The following PIP5K1C variants were observed in gnomAD, a reference collection of about 807,000 sequenced individuals.
The protein encoded by PIP5K1C is phosphatidylinositol-4-phosphate 5-kinase type 1 gamma.
PIP5K1C carries 45 observed loss-of-function variants against 80.1 expected under a neutral mutation model. The ratio of observed to expected loss-of-function variants is 0.56; its 90% CI spans 0.44 to 0.72. The LOEUF is 0.72. Ranked by LOEUF, PIP5K1C falls within the 30% of genes least tolerant of loss-of-function variation. The pLI is 0.00. For missense variants in PIP5K1C, 753 were observed against 954.6 expected, an observed-to-expected ratio of 0.79 and a Z score of 2.78; for synonymous variants, 498 against 420.1, an observed-to-expected ratio of 1.19 and a Z score of -2.27.
At chr19:3,640,270 G>A (rs1004330536) in intron 15 of PIP5K1C, among the ~76,000 whole-genome samples, 9 of 152,174 alleles carry the variant, frequency 5.9e-5, no homozygotes, top group Admixed American at 5.9e-4. Flanking sequence ...TCCTAGCACT[G>A]TGGGAGGCCG....
At position 3,661,921 on chromosome 19, in the gene PIP5K1C, G is replaced by A. The variant is rs371537214; in HGVS notation, c.300C>T (p.Arg100=). The A allele has an allele frequency of 3.9e-5, 63 of 1,612,778 alleles. No individual in the cohort carries two copies. The South Asian group carries it at 5.1e-4, about 13-fold the overall frequency. ...CGTAGAAGTCCTGCATGAGCACGTCGCGTTCGGGCTTGGAGCTCAGGTGGC... is the reference window on the plus strand; with the variant it reads ...CGTAGAAGTCCTGCATGAGCACGTCACGTTCGGGCTTGGAGCTCAGGTGGC... ...TVGHLSSKPE[R]DVLMQDFYVV... Residue 100 remains arginine, a synonymous_variant, in exon 4 of 18, where the codon CGC becomes CGT. Coordinates refer to ENST00000335312, the MANE Select transcript of PIP5K1C (RefSeq NM_012398.3).
chr19:3,653,296 G>A lies in PIP5K1C; in HGVS notation c.915C>T (p.Asp305=), dbSNP rs978006998. 1 of 1,606,750 alleles carries A rather than the reference G, an allele frequency of 6.2e-7. No homozygotes were observed. Among genetic ancestry groups the A allele is most frequent in the Non-Finnish European group, 8.5e-7 (1 of 1,179,810 alleles). ...GCCGGGGCCGAGCCCTCACCAGGCA[G>A]TCCCGCTGCAGCGTCTTGACCAGGG... is the stretch of plus-strand genomic sequence containing the variant. ...FSALVKTLQR[D]CLVLESFKIM... The change falls in exon 7 of 18, where the codon GAC becomes GAT. Residue 305 remains aspartate (D), a synonymous_variant. Coordinates refer to ENST00000335312, the MANE Select transcript of PIP5K1C (RefSeq NM_012398.3).
chr19:3,658,922 C>T (rs2034735489), intron 5 of PIP5K1C, among the ~76,000 whole-genome samples: 1 of 152,178 alleles, frequency 6.6e-6, no homozygotes, highest in Non-Finnish European at 1.5e-5. Flanking sequence ...CAGCCTCCTT[C>T]GTCGGTGCTG....
At chr19:3,664,707 T>C (rs2034950873) in intron 3 of PIP5K1C, 115 bp downstream of exon 3, 1 of 909,190 alleles carries the variant, frequency 1.1e-6, no homozygotes. Context: ...CACCTGTCCC[T>C]GGGCAGACCC....
chr19:3,638,858 C>A, intron 16 of PIP5K1C, 26 bp downstream of exon 16: 1 of 1,612,438 alleles, frequency 6.2e-7, no homozygotes, highest in Non-Finnish European at 8.5e-7. Flanking sequence ...GACGAGCCGG[C>A]GGCAGGAGGA....
At chr19:3,656,676 C>G in intron 5 of PIP5K1C, 119 bp from the exon 6 acceptor site, 1 of 1,170,872 alleles carries the variant, frequency 8.5e-7, no homozygotes, top group Non-Finnish European at 1.2e-6. Flanking sequence ...TTTACAGATG[C>G]GGAAAGAGAG....
Position 3,665,949 on chromosome 19 carries a change from C to T in PIP5K1C, c.127-1035G>A, listed in dbSNP as rs574636784. On this transcript the variant is annotated intron_variant, in intron 2 of 17. Coordinates refer to ENST00000335312, the MANE Select transcript of PIP5K1C (RefSeq NM_012398.3). The stretch of plus-strand genomic sequence containing the variant: ...ATCAGCCCCAGGGACACGCCTGCAG[C>T]CCTGACCCCTGCCCCTGCCCTCCCT... 3.9e-5 allele frequency among the ~76,000 whole-genome samples: 6 copies of T among 152,266 alleles called. No homozygotes were observed. In the East Asian group the frequency reaches 1.2e-3, roughly 29 times the overall value.
At chr19:3,691,526 C>T (rs2035949367) in intron 1 of PIP5K1C, among the ~76,000 whole-genome samples, 1 of 151,950 alleles carries the variant, frequency 6.6e-6, no homozygotes, top group African/African-American at 2.4e-5. Context: ...CAGGGACCAC[C>T]CCAACAGCCA....
chr19:3,699,491 G>A (rs2036230140), intron 1 of PIP5K1C, among the ~76,000 whole-genome samples: 1 of 152,176 alleles, frequency 6.6e-6, no homozygotes, highest in Admixed American at 6.5e-5. Context: ...ATGCCCGTGT[G>A]GGTGTCTACA....
chr19:3,664,681 G>A, intron 3 of PIP5K1C, 141 bp downstream of exon 3: 2 of 779,144 alleles, frequency 2.6e-6, no homozygotes, highest in Non-Finnish European at 4.5e-6. Flanking sequence ...TCCAGCCTCT[G>A]CCTCCACACA....
intron 1 of PIP5K1C, among the ~76,000 whole-genome samples, chr19:3,683,932 C>G (rs1240001379): frequency 6.8e-6 from 1 of 146,400 alleles, no homozygotes; most frequent in Non-Finnish European, 1.5e-5. Context: ...CCCACACCCC[C>G]CCCACGCTGG....
intron 1 of PIP5K1C, among the ~76,000 whole-genome samples, chr19:3,675,521 C>T (rs905592752): frequency 1.3e-5 from 2 of 152,168 alleles, no homozygotes; most frequent in Non-Finnish European, 2.9e-5. Flanking sequence ...TTTTGTGAAA[C>T]GCAGTAAACA....
chr19:3,662,471 G>A (rs760173653), intron 3 of PIP5K1C, among the ~76,000 whole-genome samples: 1 of 152,232 alleles, frequency 6.6e-6, no homozygotes, highest in African/African-American at 2.4e-5. Flanking sequence ...CAACCCACAT[G>A]GCCGCTATGT....
chr19:3,636,728 G>A (rs758197883), intron 16 of PIP5K1C: 422 of 986,594 alleles, frequency 4.3e-4, no homozygotes, highest in Non-Finnish European at 4.9e-4. Flanking sequence ...AGAGGTGCTC[G>A]GAGAGGTTTG....
chr19:3,656,134 G>A (rs2034622028), intron 6 of PIP5K1C, among the ~76,000 whole-genome samples: 1 of 152,220 alleles, frequency 6.6e-6, no homozygotes, highest in Non-Finnish European at 1.5e-5. Flanking sequence ...GGTGGGGATG[G>A]GGAGCCAGGC....
intron 1 of PIP5K1C, among the ~76,000 whole-genome samples, chr19:3,684,762 G>T (rs1034349886): frequency 6.6e-6 from 1 of 152,224 alleles, no homozygotes; most frequent in African/African-American, 2.4e-5. Flanking sequence ...CACCCGGCAC[G>T]TAGGGCCCAG....
intron 1 of PIP5K1C, among the ~76,000 whole-genome samples, chr19:3,684,690 T>G (rs1230209067): frequency 6.6e-6 from 1 of 152,216 alleles, no homozygotes; most frequent in Non-Finnish European, 1.5e-5. Flanking sequence ...CAGTGGTTTG[T>G]TGCATAATCC....
chr19:3,656,684 G>A lies in PIP5K1C; in HGVS notation c.469-127C>T, dbSNP rs561014633. Reference sequence around the variant, plus strand: ...GCTGCATTTTACAGATGCGGAAAGAGAGGCTCAGAGAGGGCGAGAGACTTG... The same window carrying A: ...GCTGCATTTTACAGATGCGGAAAGAAAGGCTCAGAGAGGGCGAGAGACTTG... On this transcript the variant is annotated intron_variant, in intron 5 of 17. Coordinates refer to ENST00000335312, the MANE Select transcript of PIP5K1C (RefSeq NM_012398.3). 8 of 1,061,900 alleles carry A rather than the reference G, an allele frequency of 7.5e-6. No homozygotes were observed. In the East Asian group the frequency reaches 1.8e-4, roughly 24 times the overall value. The allele number at this position is 1,061,900 out of a possible 1,614,324, so 65.8% of individuals were successfully genotyped here.
intron 9 of PIP5K1C, among the ~76,000 whole-genome samples, chr19:3,647,673 A>C (rs1030480819): frequency 6.6e-6 from 1 of 152,194 alleles, no homozygotes; most frequent in Non-Finnish European, 1.5e-5. Flanking sequence ...CCAGCTGAGC[A>C]CGGTGGCTCA....
Sources: allele counts gnomAD v4.1 joint callset (sites outside exome capture counted in the v4.1 genomes callset), GRCh38; gene constraint gnomAD v4.1.1; transcripts MANE v1.5; gene names NCBI Gene and HGNC (gene_info 2026-07-23, HGNC 2026-07-21).